Variants in CHCHD3 observed in about 807,000 individuals in gnomAD.
CHCHD3 encodes coiled-coil-helix-coiled-coil-helix domain containing 3.
CHCHD3 carries 20 observed loss-of-function variants against 38.2 expected under a neutral mutation model. The ratio of observed to expected loss-of-function variants is 0.52; its 90% CI spans 0.37 to 0.76. The LOEUF (loss-of-function observed/expected upper bound fraction) is 0.76. Among genes scored for constraint, CHCHD3 ranks in the 30% least tolerant of loss-of-function variants. The pLI, the probability that CHCHD3 is intolerant of heterozygous loss-of-function variation, is 0.00. For synonymous variants in CHCHD3, 82 were observed against 100.0 expected (o/e 0.82, Z 1.07); for missense variants, 245 against 279.2 (o/e 0.88, Z 0.87).
In CHCHD3 at chr7:133,078,286, G is replaced by C. The variant is rs552796449; in HGVS notation, c.81+3571C>G. 2.0e-4 allele frequency among the ~76,000 whole-genome samples: 30 copies of C among 152,296 alleles called. No individual in the cohort carries two copies. In the South Asian group the frequency reaches 6.0e-3, roughly 31 times the overall value. ...ATCATGCCACTGCCCTCCAGCCTGG[G>C]TGACAGAGCAAGACTCGTCTCAAAT... On this transcript the variant is annotated intron_variant, in intron 1 of 7. Coordinates refer to ENST00000262570, the MANE Select transcript of CHCHD3 (RefSeq NM_017812.4).
In CHCHD3 at chr7:132,885,745, C is replaced by A. The variant is rs764081479; in HGVS notation, c.370G>T (p.Ala124Ser). ...EEERAKAKHL[A>S]RQLEEKDRVL... ...CGGTCTTTCTCTTCCAGCTGCCTAG[C>A]CTAAAAAAAGAAATGAGGAATATAC... The change falls in exon 5 of 8, where the codon GCT (alanine) becomes TCT (serine). Residue 124 changes from alanine (A) to serine (S), a missense_variant and splice_region_variant. Physicochemically the swap from Ala to Ser is moderately conservative, Grantham distance 99 (BLOSUM62 1). Coordinates refer to ENST00000262570, the MANE Select transcript of CHCHD3 (RefSeq NM_017812.4). 22 of 1,604,740 alleles carry A rather than the reference C, an allele frequency of 1.4e-5. No homozygotes were observed. The highest frequency in any genetic ancestry group is 6.7e-5 in the East Asian group (3 of 44,466).
At chr7:132,922,568 T>C (rs1376777803) in intron 4 of CHCHD3, among the ~76,000 whole-genome samples, 2 of 152,146 alleles carry the variant, frequency 1.3e-5, no homozygotes, top group Non-Finnish European at 2.9e-5. Context: ...TACTTTTTTT[T>C]TTTTTAAGCA....
chr7:132,970,740 T>C (rs540471841), intron 4 of CHCHD3, among the ~76,000 whole-genome samples: 58 of 151,918 alleles, frequency 3.8e-4, no homozygotes, highest in Non-Finnish European at 6.6e-4. Context: ...AGTAAGTAAA[T>C]TGAGACTTCT....
chr7:132,988,532 CA>C (rs1812188321), intron 3 of CHCHD3, among the ~76,000 whole-genome samples: 1 of 152,024 alleles, frequency 6.6e-6, no homozygotes, highest in South Asian at 2.1e-4. Flanking sequence ...ATATATTTTA[CA>C]TAATGGTAAT....
chr7:132,963,745 T>C (rs1811390995), intron 4 of CHCHD3, among the ~76,000 whole-genome samples: 1 of 151,394 alleles, frequency 6.6e-6, no homozygotes, highest in Admixed American at 6.6e-5. Flanking sequence ...CAGTTGTTAG[T>C]TTTTGCAATA....
At chr7:133,055,985 A>C (rs1192336755) in intron 2 of CHCHD3, among the ~76,000 whole-genome samples, 1 of 152,092 alleles carries the variant, frequency 6.6e-6, no homozygotes, top group Non-Finnish European at 1.5e-5. Context: ...TCTCTACAAA[A>C]AAGAAAAAAG....
chr7:133,040,084 G>C (rs576193568), intron 2 of CHCHD3, among the ~76,000 whole-genome samples: 1 of 152,198 alleles, frequency 6.6e-6, no homozygotes, highest in South Asian at 2.1e-4. Flanking sequence ...TTACTAAAAC[G>C]TATGTCCAAC....
intron 3 of CHCHD3, 66 bp from the exon 4 acceptor site, chr7:132,975,352 A>G: frequency 7.4e-7 from 1 of 1,347,006 alleles, no homozygotes; most frequent in Admixed American, 1.8e-5. Flanking sequence ...TTTCTATCAA[A>G]TGAAATAATT....
chr7:132,810,956 C>T (rs542871066), intron 6 of CHCHD3, among the ~76,000 whole-genome samples: 9 of 152,256 alleles, frequency 5.9e-5, no homozygotes, highest in Admixed American at 2.0e-4. Flanking sequence ...CTTTGGTAAA[C>T]TCACTCTCCC....
chr7:133,015,637 G>A (rs1251457729), intron 3 of CHCHD3, among the ~76,000 whole-genome samples: 1 of 152,124 alleles, frequency 6.6e-6, no homozygotes, highest in Admixed American at 6.5e-5. Context: ...AGACTTTAAA[G>A]AAGGTATTCC....
intron 2 of CHCHD3, among the ~76,000 whole-genome samples, chr7:133,068,731 A>C (rs1192626770): frequency 6.6e-6 from 1 of 152,214 alleles, no homozygotes; most frequent in Non-Finnish European, 1.5e-5. Context: ...TGGAGTTGAC[A>C]AGACTAGCTA....
At chr7:132,842,245 T>C (rs1046448289) in intron 5 of CHCHD3, among the ~76,000 whole-genome samples, 2 of 152,174 alleles carry the variant, frequency 1.3e-5, no homozygotes, top group African/African-American at 4.8e-5. Context: ...CCTGAAAAGG[T>C]TGGCTAAGTG....
Position 132,972,941 on chromosome 7 carries a change from GT to G in CHCHD3, c.369+2227del, listed in dbSNP as rs1484018781. ...ACAGACAATAGACAAGATTTATTAG[GT>G]AAAACAGAACAGACTGCAGATATGC... On this transcript the variant is annotated intron_variant, in intron 4 of 7. Transcript: ENST00000262570. 3.0e-6 allele frequency: 3 copies of G among 985,274 alleles called. No individual in the cohort carries two copies. The African/African-American group carries it at 5.2e-5, about 17-fold the overall frequency. The allele number at this position is 985,274 out of a possible 1,614,324, so 61.0% of individuals were successfully genotyped here.
chr7:132,905,104 G>C (rs1173860080), intron 4 of CHCHD3, among the ~76,000 whole-genome samples: 1 of 151,152 alleles, frequency 6.6e-6, no homozygotes, highest in African/African-American at 2.4e-5. Context: ...GTCGTGGGGT[G>C]GGGGGCAGGG....
intron 5 of CHCHD3, among the ~76,000 whole-genome samples, chr7:132,866,519 G>A (rs1373538545): frequency 6.6e-6 from 1 of 152,192 alleles, no homozygotes; most frequent in African/African-American, 2.4e-5. Flanking sequence ...TGTTAGTGTT[G>A]ACTTGGGTTT....
intron 3 of CHCHD3, among the ~76,000 whole-genome samples, chr7:132,984,899 G>T (rs548702086): frequency 9.4e-5 from 9 of 96,168 alleles, no homozygotes; most frequent in Non-Finnish European, 2.0e-4. Context: ...GGAGGGAGGT[G>T]GGGGGGTCAG....
chr7:133,074,089 A>G (rs1369882169), intron 1 of CHCHD3, among the ~76,000 whole-genome samples: 1 of 152,160 alleles, frequency 6.6e-6, no homozygotes, highest in African/African-American at 2.4e-5. Flanking sequence ...CAAACTTCCA[A>G]TACAGTCTCA....
In CHCHD3 at chr7:132,821,541, C is replaced by G. The variant is rs990578936; in HGVS notation, c.524+16858G>C. ...AAGAAATCAGGAAGACCAGGAACCA[C>G]AGACGAGAGAAAATAAGCATATTTT... On this transcript the variant is annotated intron_variant, in intron 6 of 7. Coordinates refer to ENST00000262570, the MANE Select transcript of CHCHD3 (RefSeq NM_017812.4). Among the ~76,000 whole-genome samples the G allele has an allele frequency of 3.2e-4, 49 of 152,188 alleles. 1 individual carries two copies. The highest frequency in any genetic ancestry group is 6.8e-3 in the Middle Eastern group (2 of 294).
Position 133,035,506 on chromosome 7 carries a change from G to A in CHCHD3, c.170-10879C>T. 6.2e-7 allele frequency: 1 copy of A among 1,613,522 alleles called. No homozygotes were observed. Among genetic ancestry groups the A allele is most frequent in the South Asian group, 1.1e-5 (1 of 91,062 alleles). On this transcript the variant is annotated intron_variant, in intron 2 of 7. Transcript: ENST00000262570. The surrounding 1 kb of genome is among the most constrained non-coding windows in gnomAD (Gnocchi z 4.7). The stretch of plus-strand genomic sequence containing the variant: ...TTCAAGTAAGCATCCAGCAGCCCCA[G>A]AATTCGCCTCACTTCCTCCTTTGCA...
Sources: allele counts gnomAD v4.1 joint callset (sites outside exome capture counted in the v4.1 genomes callset), GRCh38; gene constraint gnomAD v4.1.1; non-coding constraint Gnocchi (gnomAD v3.1); transcripts MANE v1.5; gene names NCBI Gene and HGNC (gene_info 2026-07-23, HGNC 2026-07-21).